The following WDR41 variants were observed in gnomAD, a reference collection of about 807,000 sequenced individuals.
WDR41 encodes WD repeat-containing protein 41.
A neutral mutation model predicts 69.3 loss-of-function variants in WDR41; 63 were observed. The ratio of observed to expected loss-of-function variants is 0.91; its 90% confidence interval spans 0.74 to 1.12. The LOEUF (loss-of-function observed/expected upper bound fraction) is 1.12, where lower values mean the gene tolerates loss of function less well. WDR41 is among the 50% of genes most tolerant of loss of function. WDR41 has a pLI of 0.00. For missense variants in WDR41, 543 were observed against 534.5 expected, an observed-to-expected ratio of 1.02 and a Z score of -0.16; for synonymous variants, 185 against 192.1, an observed-to-expected ratio of 0.96 and a Z score of 0.31.
At chr5:77,582,463 A>C (rs1230424444) in intron 1 of WDR41, 3 of 1,603,088 alleles carry the variant, frequency 1.9e-6, no homozygotes. Flanking sequence ...AGAGCTGAAG[A>C]TCAAGCGCCT....
intron 1 of WDR41, among the ~76,000 whole-genome samples, chr5:77,551,356 C>T (rs7723340): frequency 0.45 from 67,604 of 151,732 alleles, 15,313 homozygotes; most frequent in South Asian, 0.54. Flanking sequence ...TTTAGAATGA[C>T]TAACAAAGTA....
At chr5:77,591,246 A>G (rs1189361379) in intron 1 of WDR41, among the ~76,000 whole-genome samples, 1 of 152,080 alleles carries the variant, frequency 6.6e-6, no homozygotes, top group Non-Finnish European at 1.5e-5. Context: ...ATCTATAGCA[A>G]TGTCTCATTT....
chr5:77,591,510 T>C (rs1744136622), intron 1 of WDR41, among the ~76,000 whole-genome samples: 1 of 152,174 alleles, frequency 6.6e-6, no homozygotes, highest in South Asian at 2.1e-4. Flanking sequence ...AGCCAGCCTT[T>C]CTTTTTTCCA....
intron 5 of WDR41, among the ~76,000 whole-genome samples, chr5:77,454,671 T>C (rs561955596): frequency 2.0e-5 from 3 of 152,236 alleles, no homozygotes; most frequent in Non-Finnish European, 1.5e-5. Flanking sequence ...TGACTCTGAG[T>C]CAGACAAGGG....
At chr5:77,471,163 C>G (rs1196200596) in intron 2 of WDR41, among the ~76,000 whole-genome samples, 1 of 152,170 alleles carries the variant, frequency 6.6e-6, no homozygotes, top group East Asian at 1.9e-4. Flanking sequence ...GAACAACCTG[C>G]TCCTGAATGA....
At chr5:77,567,555 A>T (rs1580013615) in intron 1 of WDR41, among the ~76,000 whole-genome samples, 1 of 151,976 alleles carries the variant, frequency 6.6e-6, no homozygotes, top group Non-Finnish European at 1.5e-5. Flanking sequence ...ATTCTCAAGC[A>T]GTAGTACAAA....
chr5:77,563,189 T>C (rs965096980), intron 1 of WDR41, among the ~76,000 whole-genome samples: 2 of 152,174 alleles, frequency 1.3e-5, no homozygotes, highest in Non-Finnish European at 1.5e-5. Context: ...TGTGGTGATA[T>C]TATCATTAAC....
At chr5:77,574,134 C>T (rs918947594) in intron 1 of WDR41, among the ~76,000 whole-genome samples, 1 of 151,950 alleles carries the variant, frequency 6.6e-6, no homozygotes, top group Non-Finnish European at 1.5e-5. Context: ...CCTGTCTCTA[C>T]TAAAAATACA....
intron 5 of WDR41, among the ~76,000 whole-genome samples, chr5:77,457,172 T>C (rs1245522485): frequency 6.6e-6 from 1 of 152,198 alleles, no homozygotes; most frequent in Non-Finnish European, 1.5e-5. Flanking sequence ...CCTGTGGTTT[T>C]TGTCCTTTAT....
At chr5:77,522,378 A>C (rs1263940454) in intron 1 of WDR41, among the ~76,000 whole-genome samples, 1 of 152,226 alleles carries the variant, frequency 6.6e-6, no homozygotes. Flanking sequence ...GTGGTGGCTT[A>C]TACCTGTAAT....
intron 1 of WDR41, among the ~76,000 whole-genome samples, chr5:77,594,462 A>C (rs1040912666): frequency 2.0e-5 from 3 of 152,022 alleles, no homozygotes; most frequent in Non-Finnish European, 4.4e-5. Flanking sequence ...AAAGAAAATA[A>C]ATAATTAAAT....
intron 1 of WDR41, among the ~76,000 whole-genome samples, chr5:77,584,254 A>G (rs367694353): frequency 6.6e-6 from 1 of 152,184 alleles, no homozygotes; most frequent in Non-Finnish European, 1.5e-5. Context: ...TTAAGGAAGA[A>G]AAAGAAATAA....
At chr5:77,588,050 C>A (rs2112302780) in intron 1 of WDR41, among the ~76,000 whole-genome samples, 1 of 152,280 alleles carries the variant, frequency 6.6e-6, no homozygotes, top group East Asian at 1.9e-4. Context: ...AATATAGTCA[C>A]CTTATCATAT....
chr5:77,617,691 G>A lies in WDR41; in HGVS notation c.42+2788C>T, dbSNP rs569034177. On this transcript the variant is annotated intron_variant, in intron 1 of 5. Transcript: ENST00000509971. ...AAGTACTAAAATATTAGGTAGGTAC[G>A]TGTCAAAGGATTGAAAGGGAACATA... Among the ~76,000 whole-genome samples the A allele has an allele frequency of 1.6e-4, 24 of 152,238 alleles. No individual in the cohort carries two copies. In the South Asian group the frequency reaches 3.7e-3, roughly 24 times the overall value.
intron 1 of WDR41, among the ~76,000 whole-genome samples, chr5:77,615,623 T>C (rs1024660859): frequency 2.7e-5 from 4 of 148,846 alleles, no homozygotes; most frequent in Non-Finnish European, 5.9e-5. Flanking sequence ...GATTTTCCAA[T>C]ATTGCCAGCA....
intron 1 of WDR41, among the ~76,000 whole-genome samples, chr5:77,612,026 A>C (rs1331994419): frequency 6.6e-6 from 1 of 152,218 alleles, no homozygotes; most frequent in Non-Finnish European, 1.5e-5. Flanking sequence ...CTATGCAAAT[A>C]AACTAGAAAA....
chr5:77,517,294 A>G (rs2112183940), intron 1 of WDR41, among the ~76,000 whole-genome samples: 1 of 152,276 alleles, frequency 6.6e-6, no homozygotes, highest in East Asian at 1.9e-4. Context: ...GATATAATTT[A>G]TAGATCTTCA....
chr5:77,609,670 C>T (rs1470694876), intron 1 of WDR41, among the ~76,000 whole-genome samples: 2 of 152,022 alleles, frequency 1.3e-5, no homozygotes, highest in Non-Finnish European at 2.9e-5. Context: ...TCACCATCAT[C>T]AAAGACCAAA....
intron 1 of WDR41, among the ~76,000 whole-genome samples, chr5:77,582,102 T>C (rs1249001045): frequency 6.6e-6 from 1 of 152,064 alleles, no homozygotes; most frequent in Non-Finnish European, 1.5e-5. Flanking sequence ...GCTAGATTAA[T>C]GGAGAGTGAA....
Sources: gnomAD v4.1 joint callset for allele counts (sites outside exome capture counted in the v4.1 genomes callset) on GRCh38, gnomAD v4.1.1 for gene constraint, MANE v1.5 for transcripts, NCBI Gene and HGNC (gene_info 2026-07-23, HGNC 2026-07-21) for gene names.